The following PM20D2 variants were observed in gnomAD, a reference collection of about 807,000 sequenced individuals.
The protein encoded by PM20D2 is xaa-Arg dipeptidase.
A neutral mutation model predicts 42.9 loss-of-function variants in PM20D2; 33 were observed. The ratio of observed to expected loss-of-function variants is 0.77; its 90% CI spans 0.58 to 1.03. PM20D2 has a LOEUF of 1.03. PM20D2 is among the 50% of genes least tolerant of loss of function. PM20D2 has a pLI of 0.00. For synonymous variants in PM20D2, 250 were observed against 228.2 expected (o/e 1.10, Z -0.86); for missense variants, 548 against 557.0 (o/e 0.98, Z 0.16).
chr6:89,163,001 AG>A lies in PM20D2; in HGVS notation c.*740del, dbSNP rs1562265452. 1 of 152,246 alleles carries A rather than the reference AG, an allele frequency of 6.6e-6. No homozygotes were observed. Among genetic ancestry groups the A allele is most frequent in the African/African-American group, 2.4e-5 (1 of 41,444 alleles). The allele number at this position is 152,246 out of a possible 1,614,324, so 9.4% of individuals were successfully genotyped here. On this transcript the variant is annotated 3_prime_UTR_variant, in exon 7 of 7. Transcript: ENST00000275072. ...AGGCTGGTCTCGAACTCCTGACCTC[AG>A]GTGATGCACCTGCCTCGGCCTCCTA... is the stretch of plus-strand genomic sequence containing the variant.
At chr6:89,115,733 T>C in the PM20D2 span, among the ~76,000 whole-genome samples, 3 of 149,788 alleles carry the variant, frequency 2.0e-5, no homozygotes, top group African/African-American at 7.4e-5. Context: ...GCCTCCCGGG[T>C]TCACACCATT....
At chr6:89,126,672 A>AAG in the PM20D2 span, among the ~76,000 whole-genome samples, 1 of 150,804 alleles carries the variant, frequency 6.6e-6, no homozygotes, top group Admixed American at 6.6e-5. Flanking sequence ...TCCATCTAAA[A>AAG]AAAAAAAAAA....
chr6:89,131,220 G>A, the PM20D2 span, among the ~76,000 whole-genome samples: 2 of 151,998 alleles, frequency 1.3e-5, no homozygotes, highest in African/African-American at 4.8e-5. Flanking sequence ...ATTAATCCAT[G>A]AATGGATTAA....
At chr6:89,133,434 A>G in the PM20D2 span, among the ~76,000 whole-genome samples, 1 of 150,846 alleles carries the variant, frequency 6.6e-6, no homozygotes, top group Admixed American at 6.6e-5. Context: ...AGTGGATTCT[A>G]TAGAGTCTTC....
the PM20D2 span, among the ~76,000 whole-genome samples, chr6:89,130,810 C>CTGCTGCTGCTTTTT: frequency 5.2e-5 from 3 of 57,626 alleles, no homozygotes; most frequent in African/African-American, 2.1e-4. Context: ...TTGTATCTGG[C>CTGCTGCTGCTTTTT]TTCTTCTTCT....
the PM20D2 span, among the ~76,000 whole-genome samples, chr6:89,114,751 A>G: frequency 3.9e-4 from 59 of 152,326 alleles, no homozygotes; most frequent in Middle Eastern, 3.4e-3. Context: ...ACGTTTAAAC[A>G]TTTTTAAAAT....
chr6:89,146,607 A>G lies in PM20D2; in HGVS notation c.463A>G (p.Lys155Glu). 1 of 1,437,932 alleles carries G rather than the reference A, an allele frequency of 7.0e-7. No individual in the cohort carries two copies. The highest frequency in any genetic ancestry group is 9.1e-7 in the Non-Finnish European group (1 of 1,102,178). 89.1% of individuals were successfully genotyped at this position (1,437,932 alleles called of 1,614,324 possible). The change falls in exon 1 of 7, where the codon AAG becomes GAG. Residue 155 changes from lysine to glutamate, a missense_variant and splice_region_variant. By Grantham distance (56) the Lys-to-Glu change is moderately conservative. Around this residue, in one of 3 missense-constraint regions of PM20D2, gnomAD observed 470 missense variants for 464.4 expected, o/e 1.01. Transcript: ENST00000275072. ...CCTCCCCAGGCCGCCTCCGCCCGTG[A>G]AGGTGAGGTGGGGCCCGGGTGCGGG... The part of the protein sequence containing the change: ...EGLPRPPPPV[K>E]VVVLGTPAEE...
intron 2 of PM20D2, among the ~76,000 whole-genome samples, chr6:89,150,016 C>T (rs1229357876): frequency 1.3e-5 from 2 of 152,090 alleles, no homozygotes; most frequent in African/African-American, 4.8e-5. Context: ...ATTTTTTATA[C>T]CAGAAATTTC....
chr6:89,103,953 T>G, the PM20D2 span, among the ~76,000 whole-genome samples: 4 of 151,866 alleles, frequency 2.6e-5, no homozygotes, highest in Non-Finnish European at 5.9e-5. Context: ...TACATTAACT[T>G]TAGTCAACCA....
chr6:89,116,872 G>A, the PM20D2 span, among the ~76,000 whole-genome samples: 129 of 151,956 alleles, frequency 8.5e-4, 1 homozygote, highest in South Asian at 1.2e-3. Flanking sequence ...ATGGAGTCAA[G>A]AGCTCCATGT....
At chr6:89,117,344 G>A in the PM20D2 span, among the ~76,000 whole-genome samples, 1 of 152,220 alleles carries the variant, frequency 6.6e-6, no homozygotes. Flanking sequence ...GAAACTGTAA[G>A]GCCCGAGTAC....
At chr6:89,097,782 G>T in the PM20D2 span, 44 of 152,250 alleles carry the variant, frequency 2.9e-4, no homozygotes, top group African/African-American at 1.0e-3. Flanking sequence ...GGAAATAATG[G>T]TATCAAATAT....
intron 2 of PM20D2, among the ~76,000 whole-genome samples, chr6:89,150,997 T>TA (rs780285031): frequency 1.3e-5 from 2 of 151,170 alleles, no homozygotes; most frequent in Non-Finnish European, 2.9e-5. Context: ...CTACTAAAAA[T>TA]ACAAAAATTA....
chr6:89,154,707 G>T, intron 3 of PM20D2, 41 bp from the exon 4 acceptor site: 1 of 1,390,380 alleles, frequency 7.2e-7, no homozygotes, highest in Non-Finnish European at 9.6e-7. Flanking sequence ...TTAAAGAAAT[G>T]GTCACCAAGC....
the PM20D2 span, among the ~76,000 whole-genome samples, chr6:89,118,332 G>A: frequency 3.9e-5 from 6 of 152,172 alleles, no homozygotes; most frequent in African/African-American, 1.4e-4. Context: ...GGGCGGAGGT[G>A]GGGTCAGTGA....
At chr6:89,142,721 G>A (rs557810609), upstream of PM20D2, among the ~76,000 whole-genome samples, 15 of 152,026 alleles carry the variant, frequency 9.9e-5, no homozygotes, top group South Asian at 2.1e-4. Context: ...GCAGTGACGC[G>A]ATCTCGGCTC....
the PM20D2 span, among the ~76,000 whole-genome samples, chr6:89,136,907 T>A: frequency 6.6e-6 from 1 of 151,044 alleles, no homozygotes; most frequent in Non-Finnish European, 1.5e-5. Context: ...ATTACTACAG[T>A]GTTTTCATCT....
At position 89,155,890 on chromosome 6, in the gene PM20D2, CT is replaced by C. The variant is rs1415642846; in HGVS notation, c.912+1000del. Among the ~76,000 whole-genome samples, 193 of 118,042 alleles carry C rather than the reference CT, an allele frequency of 1.6e-3. 1 individual carries two copies. The highest frequency in any genetic ancestry group is 2.9e-3 in the Admixed American group (34 of 11,714). The allele number at this position is 118,042 out of a possible 152,430, so 77.4% of individuals were successfully genotyped here. On this transcript the variant is annotated intron_variant, in intron 4 of 6. Transcript: ENST00000275072. ...CCACACCTGGCTAATTTTTTTTTTT[CT>C]TTTTTTTTTTTGAGGCGGAGTCTTG...
the PM20D2 span, among the ~76,000 whole-genome samples, chr6:89,130,107 A>G: frequency 6.6e-6 from 1 of 151,616 alleles, no homozygotes; most frequent in Admixed American, 6.6e-5. Context: ...TTCTGGAGAC[A>G]GGGTCTCACT....
Sources: allele counts gnomAD v4.1 joint callset (sites outside exome capture counted in the v4.1 genomes callset), GRCh38; gene constraint gnomAD v4.1.1; regional missense constraint gnomAD v4.1.1; transcripts MANE v1.5; gene names NCBI Gene and HGNC (gene_info 2026-07-23, HGNC 2026-07-21).